The following GUCA2A variants were observed in gnomAD, a reference collection of about 807,000 sequenced individuals.
GUCA2A encodes guanylin.
Under a neutral mutation model 11.2 loss-of-function variants are expected in GUCA2A, and 17 were observed. The ratio of observed to expected loss-of-function variants is 1.52; its 90% CI spans 1.04 to 2.28. GUCA2A has a LOEUF of 2.28. Ranked by LOEUF, GUCA2A falls within the 30% of genes most tolerant of loss-of-function variation. The probability of loss-of-function intolerance (pLI) is 0.00; values close to 1 mark genes in which losing one functional copy is unlikely to be tolerated. For synonymous variants in GUCA2A, 64 were observed against 57.1 expected (o/e 1.12, Z -0.54); for missense variants, 173 against 139.3 (o/e 1.24, Z -1.22).
Position 42,164,732 on chromosome 1 carries a change from G to T in GUCA2A, c.-20C>A, listed in dbSNP as rs1164286796. 5.4e-6 allele frequency: 8 copies of T among 1,486,666 alleles called. No individual in the cohort carries two copies. The highest frequency in any genetic ancestry group is 7.4e-6 in the Non-Finnish European group (8 of 1,086,834). The allele number at this position is 1,486,666 out of a possible 1,614,324, so 92.1% of individuals were successfully genotyped here. A position where few individuals can be genotyped will look rare whatever the true frequency, so the allele number is the denominator to read the frequency against. On this transcript the variant is annotated 5_prime_UTR_variant, in exon 1 of 3. Coordinates refer to ENST00000357001, the MANE Select transcript of GUCA2A (RefSeq NM_033553.3). ...ATTCATGGCAGCAGTGCCCGAGAGA[G>T]GGGTGGCTGTTCTGGATGCCAGGGG...
At position 42,164,634 on chromosome 1, in the gene GUCA2A, T is replaced by G. The variant is rs1235392588; in HGVS notation, c.75+4A>C. 6.5e-7 allele frequency: 1 copy of G among 1,536,022 alleles called. No individual in the cohort carries two copies. The highest frequency in any genetic ancestry group is 2.4e-5 in the East Asian group (1 of 40,868). ...CTGGGCCGGGGTAGGGACACAGGAC[T>G]CACCTGCACGGTGACCCCTCCTGCC... On this transcript the variant is annotated splice_donor_region_variant and intron_variant, in intron 1 of 2. Coordinates refer to ENST00000357001, the MANE Select transcript of GUCA2A (RefSeq NM_033553.3).
chr1:42,162,993 C>T (rs756563582), intron 2 of GUCA2A, 23 bp from the exon 3 acceptor site: 3 of 1,602,626 alleles, frequency 1.9e-6, no homozygotes, highest in Non-Finnish European at 2.6e-6. Flanking sequence ...GATGGAGCCT[C>T]GTGAGAACCA....
In GUCA2A at chr1:42,162,959, C is replaced by T. The variant is rs1300139346; in HGVS notation, c.295G>A (p.Glu99Lys). Residue 99 changes from glutamate to lysine, a missense_variant, in exon 3 of 3, where the codon GAG becomes AAG. By Grantham distance (56) the Glu-to-Lys change is moderately conservative (BLOSUM62 1). Transcript: ENST00000357001. ...EILQRLEEIA[E>K]DPGTCEICAY... ...CAGATTTCACATGTGCCCGGGTCCT[C>T]AGCGATTTCCTCTGCACAACAGAGA... is the stretch of plus-strand genomic sequence containing the variant. The T allele has an allele frequency of 1.4e-5, 23 of 1,613,510 alleles. No individual in the cohort carries two copies. The highest frequency in any genetic ancestry group is 1.7e-5 in the Non-Finnish European group (20 of 1,179,606).
rs140189038 is a variant in GUCA2A, at chr1:42,163,336, T to C, written c.283+67A>G. ...TCCAAATCCCACCAATCAGAGCACATCTCTTCCTCAAGTGCCACCACAGTA... is the reference window on the plus strand; with the variant it reads ...TCCAAATCCCACCAATCAGAGCACACCTCTTCCTCAAGTGCCACCACAGTA... On this transcript the variant is annotated intron_variant, in intron 2 of 2. Transcript: ENST00000357001. The C allele has an allele frequency of 9.5e-3, 9,715 of 1,021,062 alleles. 62 individuals carry two copies. The highest frequency in any genetic ancestry group is 0.012 in the Non-Finnish European group (7,865 of 658,730). The allele number at this position is 1,021,062 out of a possible 1,614,324, so 63.3% of individuals were successfully genotyped here. A position where few individuals can be genotyped will look rare whatever the true frequency, so the allele number is the denominator to read the frequency against.
rs969789557 is a variant in GUCA2A at position 42,162,725 on chromosome 1, G to C, written c.*181C>G. ...TCTGGTTTATTAGCTGGGGGTTGAA[G>C]TGGCAGGGAAGGACAGTGTTGGGGC... is the stretch of plus-strand genomic sequence containing the variant. On this transcript the variant is annotated 3_prime_UTR_variant, in exon 3 of 3. Coordinates refer to ENST00000357001, the MANE Select transcript of GUCA2A (RefSeq NM_033553.3). 9.9e-6 allele frequency: 6 copies of C among 604,662 alleles called. No individual in the cohort carries two copies. In the East Asian group the frequency reaches 1.7e-4, roughly 17 times the overall value. 37.5% of individuals were successfully genotyped at this position (604,662 alleles called of 1,614,324 possible). A position where few individuals can be genotyped will look rare whatever the true frequency, so the allele number is the denominator to read the frequency against.
Position 42,163,479 on chromosome 1 carries a change from A to T in GUCA2A, c.207T>A (p.Cys69Ter). ...GTTCTTCTGGAAAGTTCGGGTTGCT[A>T]CAGAGGATGGGAACCACAGGTTCAC... is the stretch of plus-strand genomic sequence containing the variant. The part of the protein sequence containing the change: ...IPGEPVVPIL[C>*]SNPNFPEELK... The change falls in exon 2 of 3, where the codon TGT becomes TGA. Residue 69 changes from cysteine (C) to a stop codon, truncating the protein, a stop_gained. Coordinates refer to ENST00000357001, the MANE Select transcript of GUCA2A (RefSeq NM_033553.3). LOFTEE classifies it high-confidence loss of function. 1 of 1,613,924 alleles carries T rather than the reference A, an allele frequency of 6.2e-7. No individual in the cohort carries two copies. Among genetic ancestry groups the T allele is most frequent in the South Asian group, 1.1e-5 (1 of 91,066 alleles).
chr1:42,162,753 G>A lies in GUCA2A; in HGVS notation c.*153C>T, dbSNP rs986177713. The A allele has an allele frequency of 1.4e-5, 9 of 651,592 alleles. No individual in the cohort carries two copies. Among genetic ancestry groups the A allele is most frequent in the Admixed American group, 2.4e-5 (1 of 41,350 alleles). 40.4% of individuals were successfully genotyped at this position (651,592 alleles called of 1,614,324 possible). On this transcript the variant is annotated 3_prime_UTR_variant, in exon 3 of 3. Transcript: ENST00000357001. ...GCAGGGAAGGACAGTGTTGGGGCGA[G>A]GCCTCCAGTCACCCAGTTCCTCCCC...
Position 42,164,683 on chromosome 1 carries a change from G to T in GUCA2A, c.30C>A (p.Cys10Ter). 6.4e-7 allele frequency: 1 copy of T among 1,551,520 alleles called. No homozygotes were observed. Among genetic ancestry groups the T allele is most frequent in the African/African-American group, 1.4e-5 (1 of 73,262 alleles). Reference sequence around the variant, plus strand: ...CCAAGGCGGCCCAGGCCCCAAGGAGGCACAGTGCGGAGAGCAGGAAGGCAT... The same window carrying T: ...CCAAGGCGGCCCAGGCCCCAAGGAGTCACAGTGCGGAGAGCAGGAAGGCAT... MNAFLLSAL[C>*]LLGAWAALAG... The change falls in exon 1 of 3, where the codon TGC becomes TGA. Residue 10 changes from cysteine to a stop codon, truncating the protein, a stop_gained. Transcript: ENST00000357001. LOFTEE classifies it high-confidence loss of function.
At position 42,163,558 on chromosome 1, in the gene GUCA2A, T is replaced by A. The variant is rs777572141; in HGVS notation, c.128A>T (p.Gln43Leu). Residue 43 changes from glutamine to leucine, a missense_variant, in exon 2 of 3, where the codon CAG becomes CTG. Transcript: ENST00000357001. ...LESVKKLKDL[Q>L]EPQEPRVGKL... ...CCCAACCCTGGGCTCCTGGGGCTCC[T>A]GGAGGTCTTTGAGCTTCTTCACTGA... is the stretch of plus-strand genomic sequence containing the variant. The A allele has an allele frequency of 1.9e-6, 3 of 1,613,610 alleles. No homozygotes were observed. The highest frequency in any genetic ancestry group is 2.5e-6 in the Non-Finnish European group (3 of 1,179,542).
At chr1:42,163,642 G>A in intron 1 of GUCA2A, 32 bp from the exon 2 acceptor site, 1 of 1,474,452 alleles carries the variant, frequency 6.8e-7, no homozygotes, top group South Asian at 1.2e-5. Flanking sequence ...CATGAGGCCA[G>A]GCTGCAGCCT....
chr1:42,162,949 C>T lies in GUCA2A; in HGVS notation c.305G>A (p.Gly102Asp). 6.2e-7 allele frequency: 1 copy of T among 1,613,794 alleles called. No homozygotes were observed. Among genetic ancestry groups the T allele is most frequent in the Non-Finnish European group, 8.5e-7 (1 of 1,179,754 alleles). The change falls in exon 3 of 3, where the codon GGC becomes GAC. Residue 102 changes from glycine to aspartate, a missense_variant. Transcript: ENST00000357001. Reference protein sequence around the residue: ...QRLEEIAEDPGTCEICAYAAC... With the variant: ...QRLEEIAEDPDTCEICAYAAC... ...AGCGTAGGCACAGATTTCACATGTG[C>T]CCGGGTCCTCAGCGATTTCCTCTGC...
intron 1 of GUCA2A, 60 bp from the exon 2 acceptor site, chr1:42,163,670 C>A: frequency 8.5e-7 from 1 of 1,178,348 alleles, no homozygotes; most frequent in Non-Finnish European, 1.2e-6. Flanking sequence ...GGCTGTGCCC[C>A]CCGTGCTGGC....
At chr1:42,163,292 G>A in intron 2 of GUCA2A, 111 bp downstream of exon 2, 2 of 723,778 alleles carry the variant, frequency 2.8e-6, no homozygotes, top group South Asian at 3.6e-5. Flanking sequence ...AGTTCCACCA[G>A]TCAGAGCTGA....
Position 42,163,454 on chromosome 1 carries a change from GTTC to G in GUCA2A, c.229_231del (p.Glu77del), listed in dbSNP as rs752614349. Reference sequence around the variant, plus strand: ...TTGGGCTCCTTGCAGAGAGGCTTGAGTTCTTCTGGAAAGTTCGGGTTGCTACAG... The same window carrying G: ...TTGGGCTCCTTGCAGAGAGGCTTGAGTTCTGGAAAGTTCGGGTTGCTACAG... On this transcript the variant is annotated inframe_deletion, in exon 2 of 3. Coordinates refer to ENST00000357001, the MANE Select transcript of GUCA2A (RefSeq NM_033553.3). 6.6e-5 allele frequency: 106 copies of G among 1,614,022 alleles called. No individual in the cohort carries two copies. The Admixed American group carries it at 6.8e-4, about 10-fold the overall frequency.
In GUCA2A at chr1:42,163,405, A is replaced by G. The variant is rs1453199080; in HGVS notation, c.281T>C (p.Leu94Pro). 6 of 1,605,124 alleles carry G rather than the reference A, an allele frequency of 3.7e-6. No homozygotes were observed. In the South Asian group the frequency reaches 5.5e-5, roughly 15 times the overall value. The change falls in exon 2 of 3, where the codon CTG (leucine) becomes CCG (proline). Residue 94 changes from leucine to proline, a missense_variant and splice_region_variant. Coordinates refer to ENST00000357001, the MANE Select transcript of GUCA2A (RefSeq NM_033553.3). ...EPNAQEILQR[L>P]EEIAEDPGTC... is the part of the protein sequence containing the mutation. ...CAGAGAGGAAGGAGGCTGCTCACCC[A>G]GCCTCTGAAGTATCTCCTGGGCATT...
At chr1:42,163,032 TTGGCCCAGAGCTTGTA>T in intron 2 of GUCA2A, 62 bp from the exon 3 acceptor site, 1 of 1,343,380 alleles carries the variant, frequency 7.4e-7, no homozygotes, top group South Asian at 1.2e-5. Context: ...CCTGCCGCCC[TTGGCCCAGAGCTTGTA>T]CGTCACCACC....
chr1:42,163,384 G>GCACATCTCTTCCTCAAGTGCCACCAC lies in GUCA2A; in HGVS notation c.283+18_283+19insGTGGTGGCACTTGAGGAAGAGATGTG. On this transcript the variant is annotated intron_variant, in intron 2 of 2. Coordinates refer to ENST00000357001, the MANE Select transcript of GUCA2A (RefSeq NM_033553.3). ...GTATTCCCGAACCCCACCAATCAGA[G>GCACATCTCTTCCTCAAGTGCCACCAC]AGGAAGGAGGCTGCTCACCCAGCCT... 6.6e-7 allele frequency: 1 copy of GCACATCTCTTCCTCAAGTGCCACCAC among 1,524,016 alleles called. No individual in the cohort carries two copies. The highest frequency in any genetic ancestry group is 1.1e-5 in the South Asian group (1 of 88,998). 94.4% of individuals were successfully genotyped at this position (1,524,016 alleles called of 1,614,324 possible).
At chr1:42,163,935 C>T (rs1215342578) in intron 1 of GUCA2A, among the ~76,000 whole-genome samples, 2 of 152,234 alleles carry the variant, frequency 1.3e-5, no homozygotes, top group African/African-American at 4.8e-5. Context: ...GGCAAAGGAC[C>T]AGCACCCAGG....
chr1:42,164,464 G>T (rs572552545), intron 1 of GUCA2A, among the ~76,000 whole-genome samples, 174 bp downstream of exon 1: 1 of 152,216 alleles, frequency 6.6e-6, no homozygotes, highest in Non-Finnish European at 1.5e-5. Context: ...CTCCTCCAAA[G>T]TTGAAGGGAA....
Sources: allele counts gnomAD v4.1 joint callset (sites outside exome capture counted in the v4.1 genomes callset), GRCh38; gene constraint gnomAD v4.1.1; transcripts MANE v1.5; gene names NCBI Gene and HGNC (gene_info 2026-07-23, HGNC 2026-07-21).